The following BUD31 variants were observed in gnomAD, a reference collection of about 807,000 sequenced individuals.
BUD31 encodes protein BUD31 homolog.
Under a neutral mutation model 17.9 loss-of-function variants are expected in BUD31, and 9 were observed. The ratio of observed to expected loss-of-function variants is 0.50; its 90% CI spans 0.30 to 0.88. The LOEUF (loss-of-function observed/expected upper bound fraction) is 0.88, where lower values mean the gene tolerates loss of function less well. BUD31 is among the 40% of genes least tolerant of loss of function. The pLI is 0.06. For synonymous variants in BUD31, 70 were observed against 64.7 expected, an observed-to-expected ratio of 1.08 and a Z score of -0.39; for missense variants, 148 against 184.5, an observed-to-expected ratio of 0.80 and a Z score of 1.15.
intron 3 of BUD31, chr7:99,415,161 C>T: frequency 2.2e-6 from 1 of 449,652 alleles, no homozygotes; most frequent in South Asian, 1.6e-5. Flanking sequence ...GGAATCCCAC[C>T]AAGACGCGGA....
At chr7:99,416,447 TCTCA>T in intron 4 of BUD31, 187 bp downstream of exon 4, 1 of 602,332 alleles carries the variant, frequency 1.7e-6, no homozygotes, top group Non-Finnish European at 2.7e-6. Context: ...TGAGATGGAG[TCTCA>T]CTCTGTCACC....
intron 5 of BUD31, chr7:99,417,940 C>T: frequency 8.0e-7 from 1 of 1,247,178 alleles, no homozygotes; most frequent in South Asian, 1.6e-5. Flanking sequence ...TTTCAGTCCT[C>T]ACAGTGATAC....
At chr7:99,419,029 C>G (rs1795669883) in intron 5 of BUD31, 1 of 280,166 alleles carries the variant, frequency 3.6e-6, no homozygotes, top group Middle Eastern at 1.3e-3. Context: ...CCAGAGGCCC[C>G]CCTGAAGTCC....
chr7:99,417,859 G>C (rs1795592607), intron 5 of BUD31: 1 of 1,409,734 alleles, frequency 7.1e-7, no homozygotes, highest in Non-Finnish European at 9.3e-7. Context: ...AGGAAATGGT[G>C]GTGGGGAGCC....
At chr7:99,419,225 T>C (rs1795683316) in intron 5 of BUD31, 166 bp from the exon 6 acceptor site, 2 of 701,316 alleles carry the variant, frequency 2.9e-6, no homozygotes, top group Admixed American at 2.4e-5. Context: ...TCTACCTTCA[T>C]GAGGGAGCCA....
intron 5 of BUD31, 195 bp from the exon 6 acceptor site, chr7:99,419,196 G>C: frequency 1.7e-6 from 1 of 599,508 alleles, no homozygotes; most frequent in East Asian, 2.8e-5. Flanking sequence ...ATGTAACCTC[G>C]GTGTCAACAG....
intron 1 of BUD31, among the ~76,000 whole-genome samples, chr7:99,409,608 G>T (rs1008183337): frequency 3.9e-5 from 6 of 152,106 alleles, no homozygotes; most frequent in Non-Finnish European, 8.8e-5. Context: ...TAGCTTCAGC[G>T]TAGGGGAGAC....
chr7:99,417,994 G>T, intron 5 of BUD31: 4 of 1,166,320 alleles, frequency 3.4e-6, no homozygotes, highest in Non-Finnish European at 4.3e-6. Context: ...CCAAGACGGA[G>T]TCTTGCTTTG....
chr7:99,413,605 T>C (rs1417407028), intron 3 of BUD31, among the ~76,000 whole-genome samples: 2 of 152,138 alleles, frequency 1.3e-5, no homozygotes, highest in Non-Finnish European at 2.9e-5. Flanking sequence ...TTTGTTTTGT[T>C]TTTTTTTGAG....
At chr7:99,415,147 C>T in intron 3 of BUD31, 1 of 446,604 alleles carries the variant, frequency 2.2e-6, no homozygotes, top group South Asian at 1.6e-5. Flanking sequence ...GACAGCTGAG[C>T]CTGGGAATCC....
intron 5 of BUD31, 144 bp from the exon 6 acceptor site, chr7:99,419,246 GT>G (rs1310429716): frequency 2.1e-6 from 2 of 975,446 alleles, no homozygotes; most frequent in Non-Finnish European, 3.1e-6. Context: ...AATTTTCCCT[GT>G]CCAGAGCTGT....
In BUD31 at chr7:99,416,185, C is replaced by T; in HGVS notation, c.142C>T (p.Pro48Ser). ...AAAGAGGAAAGTGGAATCTCTGTGGCCCATCTTCAGGATCCACCACCAGAA... is the reference window on the plus strand; with the variant it reads ...AAAGAGGAAAGTGGAATCTCTGTGGTCCATCTTCAGGATCCACCACCAGAA... ...EGKRKVESLW[P>S]IFRIHHQKTR... The change falls in exon 4 of 6, where the codon CCC (proline) becomes TCC (serine). Residue 48 changes from proline to serine, a missense_variant. Coordinates refer to ENST00000222969, the MANE Select transcript of BUD31 (RefSeq NM_003910.4). 1 of 1,613,994 alleles carries T rather than the reference C, an allele frequency of 6.2e-7. No homozygotes were observed. Among genetic ancestry groups the T allele is most frequent in the Non-Finnish European group, 8.5e-7 (1 of 1,179,894 alleles).
chr7:99,415,663 C>T (rs924760250), intron 3 of BUD31, among the ~76,000 whole-genome samples: 5 of 152,124 alleles, frequency 3.3e-5, no homozygotes, highest in Non-Finnish European at 7.4e-5. Context: ...GACCAAGGTC[C>T]GCTTGGCAAC....
intron 3 of BUD31, among the ~76,000 whole-genome samples, chr7:99,413,923 A>G (rs1055081895): frequency 2.0e-5 from 3 of 152,108 alleles, no homozygotes; most frequent in Non-Finnish European, 4.4e-5. Context: ...GTTACCATTA[A>G]ATGTCTTTAA....
intron 3 of BUD31, among the ~76,000 whole-genome samples, chr7:99,411,447 A>G (rs1329624934): frequency 1.3e-5 from 2 of 152,224 alleles, no homozygotes; most frequent in African/African-American, 2.4e-5. Context: ...TATAGATCAA[A>G]TAGTCTACCT....
At chr7:99,410,973 G>A in intron 2 of BUD31, 91 bp from the exon 3 acceptor site, 2 of 787,242 alleles carry the variant, frequency 2.5e-6, no homozygotes, top group Non-Finnish European at 4.2e-6. Context: ...ACCCTATGCT[G>A]ACTCAAGGAA....
At chr7:99,417,380 G>A in intron 4 of BUD31, 49 bp from the exon 5 acceptor site, 2 of 1,591,328 alleles carry the variant, frequency 1.3e-6, no homozygotes, top group Non-Finnish European at 1.7e-6. Context: ...CAAGGGTGGG[G>A]AAGGTTTTTA....
At position 99,417,406 on chromosome 7, in the gene BUD31, C is replaced by T; in HGVS notation, c.218-23C>T. On this transcript the variant is annotated intron_variant, in intron 4 of 5. Transcript: ENST00000222969. Reference sequence around the variant, plus strand: ...AAGGTTTTTAGACCATGGCCTGATGCTCTTTCCCCATCTTTTTGACAGAAC... The same window carrying T: ...AAGGTTTTTAGACCATGGCCTGATGTTCTTTCCCCATCTTTTTGACAGAAC... 4 of 1,611,354 alleles carry T rather than the reference C, an allele frequency of 2.5e-6. No homozygotes were observed. The South Asian group carries it at 3.3e-5, about 13-fold the overall frequency.
chr7:99,419,373 T>C lies in BUD31; in HGVS notation c.385-18T>C, dbSNP rs943465630. 2.5e-6 allele frequency: 4 copies of C among 1,612,800 alleles called. No individual in the cohort carries two copies. Among genetic ancestry groups the C allele is most frequent in the Admixed American group, 3.3e-5 (2 of 59,990 alleles). On this transcript the variant is annotated intron_variant, in intron 5 of 5. Transcript: ENST00000222969. ...GCGTGGCGCAGTGGCATCGTCTCACTGTCCTCCTCCGTTGCAGGGCCGCAT... is the reference window on the plus strand; with the variant it reads ...GCGTGGCGCAGTGGCATCGTCTCACCGTCCTCCTCCGTTGCAGGGCCGCAT...
Sources: allele counts gnomAD v4.1 joint callset (sites outside exome capture counted in the v4.1 genomes callset), GRCh38; gene constraint gnomAD v4.1.1; transcripts MANE v1.5; gene names NCBI Gene and HGNC (gene_info 2026-07-23, HGNC 2026-07-21).